The following CHODL variants were observed in gnomAD, a reference collection of about 807,000 sequenced individuals.
CHODL encodes transmembrane protein MT75.
In CHODL, 29 loss-of-function variants were observed where a neutral mutation model predicts 34.5. The observed-to-expected ratio is 0.84, with a 90% CI of 0.63 to 1.15. The LOEUF (loss-of-function observed/expected upper bound fraction) is 1.15. Among genes scored for constraint, CHODL ranks in the 50% most tolerant of loss-of-function variants. The pLI is 0.00. For synonymous variants in CHODL, 125 were observed against 116.1 expected (o/e 1.08, Z -0.49); for missense variants, 332 against 332.5 (o/e 1.00, Z 0.01).
intron 2 of CHODL, among the ~76,000 whole-genome samples, chr21:18,065,996 T>G (rs2064727380): frequency 6.6e-6 from 1 of 152,190 alleles, no homozygotes; most frequent in Non-Finnish European, 1.5e-5. Context: ...TTTGTTAAGT[T>G]TCAATGACCT....
chr21:18,035,416 C>T (rs754189509), intron 2 of CHODL, among the ~76,000 whole-genome samples: 5 of 151,906 alleles, frequency 3.3e-5, no homozygotes, highest in South Asian at 4.1e-4. Context: ...TTAAGCAATT[C>T]GAATATCATC....
At chr21:18,208,400 T>C (rs2073737194) in intron 2 of CHODL, among the ~76,000 whole-genome samples, 1 of 152,176 alleles carries the variant, frequency 6.6e-6, no homozygotes, top group African/African-American at 2.4e-5. Flanking sequence ...TTATCTTTAA[T>C]TTCATTGAGT....
At chr21:17,984,427 A>AT (rs920772980) in intron 1 of CHODL, among the ~76,000 whole-genome samples, 1 of 152,064 alleles carries the variant, frequency 6.6e-6, no homozygotes. Context: ...TCTACTTCTA[A>AT]TTTTTTTGAG....
intron 2 of CHODL, among the ~76,000 whole-genome samples, chr21:18,110,415 C>T (rs894378211): frequency 6.6e-6 from 1 of 152,140 alleles, no homozygotes; most frequent in Admixed American, 6.5e-5. Context: ...TGTTGTCTAG[C>T]ATATGAGGCT....
intron 1 of CHODL, among the ~76,000 whole-genome samples, chr21:17,936,410 G>A (rs2063319521): frequency 6.6e-6 from 1 of 151,780 alleles, no homozygotes; most frequent in Non-Finnish European, 1.5e-5. Context: ...TTAATAGGTG[G>A]GAGAGAGACC....
At chr21:18,073,063 G>T (rs2064824448) in intron 2 of CHODL, among the ~76,000 whole-genome samples, 1 of 152,114 alleles carries the variant, frequency 6.6e-6, no homozygotes, top group Admixed American at 6.5e-5. Flanking sequence ...ATATTTTGGA[G>T]ATGGGAAATA....
intron 2 of CHODL, among the ~76,000 whole-genome samples, chr21:18,174,923 A>G (rs948154004): frequency 1.3e-5 from 2 of 152,222 alleles, no homozygotes; most frequent in Admixed American, 1.3e-4. Flanking sequence ...CTGAAAAAGT[A>G]TCTGTGCTCA....
At chr21:18,164,074 T>C (rs1025014844) in intron 2 of CHODL, among the ~76,000 whole-genome samples, 2 of 152,210 alleles carry the variant, frequency 1.3e-5, no homozygotes, top group Non-Finnish European at 2.9e-5. Context: ...TTTTGGGTTG[T>C]AGTCATCCAG....
chr21:18,264,503 G>A (rs2074424486), intron 5 of CHODL, among the ~76,000 whole-genome samples: 1 of 151,334 alleles, frequency 6.6e-6, no homozygotes, highest in African/African-American at 2.4e-5. Flanking sequence ...TTGGGAGGCT[G>A]AGGCAGGAGA....
At chr21:18,137,302 C>CT (rs955366245) in intron 2 of CHODL, among the ~76,000 whole-genome samples, 37 of 152,142 alleles carry the variant, frequency 2.4e-4, no homozygotes, top group African/African-American at 8.7e-4. Context: ...GTGTTAACAA[C>CT]TTTTTTTTAT....
chr21:18,182,412 T>C (rs897687088), intron 2 of CHODL, among the ~76,000 whole-genome samples: 3 of 152,230 alleles, frequency 2.0e-5, no homozygotes, highest in Admixed American at 6.5e-5. Context: ...CCGGTAACTA[T>C]GTCTGGTGAT....
At chr21:18,134,403 G>A (rs2072695407) in intron 2 of CHODL, 1 of 509,780 alleles carries the variant, frequency 2.0e-6, no homozygotes, top group African/African-American at 1.9e-5. Context: ...TCTCACTCTT[G>A]TAGGTGGATC....
intron 2 of CHODL, among the ~76,000 whole-genome samples, chr21:18,128,225 T>TG (rs1490356454): frequency 2.2e-5 from 3 of 135,064 alleles, no homozygotes; most frequent in Non-Finnish European, 3.1e-5. Flanking sequence ...GGTGTGAACC[T>TG]GGGAGGTGGA....
intron 2 of CHODL, among the ~76,000 whole-genome samples, chr21:18,206,585 T>A (rs2073714096): frequency 6.6e-6 from 1 of 151,968 alleles, no homozygotes; most frequent in South Asian, 2.1e-4. Context: ...TGTTTTTTTC[T>A]TTGTATTTTT....
intron 1 of CHODL, among the ~76,000 whole-genome samples, chr21:17,967,077 G>A (rs1278469225): frequency 6.6e-6 from 1 of 151,958 alleles, no homozygotes; most frequent in Non-Finnish European, 1.5e-5. Flanking sequence ...TAGAGATGGG[G>A]TTTCACCATG....
chr21:17,984,498 C>A (rs899472955), intron 1 of CHODL, among the ~76,000 whole-genome samples: 9 of 151,612 alleles, frequency 5.9e-5, no homozygotes, highest in Non-Finnish European at 1.0e-4. Flanking sequence ...TAGATATTAA[C>A]CCTTTATGAA....
intron 2 of CHODL, among the ~76,000 whole-genome samples, chr21:18,108,344 T>A (rs937895736): frequency 1.3e-5 from 2 of 152,192 alleles, no homozygotes; most frequent in Non-Finnish European, 2.9e-5. Flanking sequence ...ATGCCCTCAA[T>A]GACGTCTTAC....
At chr21:17,923,358 A>G (rs554253705) in intron 1 of CHODL, among the ~76,000 whole-genome samples, 1 of 150,798 alleles carries the variant, frequency 6.6e-6, no homozygotes, top group African/African-American at 2.4e-5. Context: ...CATGGGCTCA[A>G]TTTTACAGAT....
At chr21:18,098,452 A>C (rs1371328107) in intron 2 of CHODL, among the ~76,000 whole-genome samples, 1 of 152,080 alleles carries the variant, frequency 6.6e-6, no homozygotes, top group Non-Finnish European at 1.5e-5. Context: ...ACAGGCATGT[A>C]AAAAAGTGCT....
Sources: allele counts gnomAD v4.1 joint callset (sites outside exome capture counted in the v4.1 genomes callset), GRCh38; gene constraint gnomAD v4.1.1; transcripts MANE v1.5; gene names NCBI Gene and HGNC (gene_info 2026-07-23, HGNC 2026-07-21).